The following PCDHGA2 variants were observed in gnomAD, a reference collection of about 807,000 sequenced individuals.
PCDHGA2 encodes protocadherin gamma subfamily A, 2, also known as protocadherin gamma-A2.
A neutral mutation model predicts 59.2 loss-of-function variants in PCDHGA2; 40 were observed. The observed-to-expected ratio is 0.68, with a 90% CI of 0.52 to 0.88. The LOEUF (loss-of-function observed/expected upper bound fraction) is 0.88. PCDHGA2 is among the 40% of genes least tolerant of loss of function. The pLI is 0.00. For missense variants in PCDHGA2, 1,226 were observed against 1,204.0 expected, an observed-to-expected ratio of 1.02 and a Z score of -0.27; for synonymous variants, 560 against 526.0, an observed-to-expected ratio of 1.06 and a Z score of -0.89.
intron 1 of PCDHGA2, chr5:141,361,614 G>T (rs919763957): frequency 6.2e-7 from 1 of 1,613,946 alleles, no homozygotes. Flanking sequence ...CCATCGTAGC[G>T]AGCGACCTGA....
chr5:141,383,913 A>G, intron 1 of PCDHGA2: 1 of 1,613,990 alleles, frequency 6.2e-7, no homozygotes, highest in Non-Finnish European at 8.5e-7. Flanking sequence ...TCACAGTTTT[A>G]GATGTAAATG....
At chr5:141,362,239 C>G in intron 1 of PCDHGA2, 1 of 1,614,060 alleles carries the variant, frequency 6.2e-7, no homozygotes, top group Non-Finnish European at 8.5e-7. Flanking sequence ...GATCTCAGTG[C>G]TCTTCTTCCT....
Position 141,340,062 on chromosome 5 carries a change from C to A in PCDHGA2, c.1091C>A (p.Thr364Asn). The A allele has an allele frequency of 6.2e-7, 1 of 1,614,090 alleles. No homozygotes were observed. The highest frequency in any genetic ancestry group is 8.5e-7 in the Non-Finnish European group (1 of 1,180,000). ...SSVSEDSLPG[T>N]IIGLFNVHDR... ...GTTTCTGAAGACTCTCTTCCAGGAACCATAATTGGGCTTTTTAATGTACAT... is the reference window on the plus strand; with the variant it reads ...GTTTCTGAAGACTCTCTTCCAGGAAACATAATTGGGCTTTTTAATGTACAT... Residue 364 changes from threonine (T) to asparagine (N), a missense_variant, in exon 1 of 4, where the codon ACC becomes AAC. Coordinates refer to ENST00000394576, the MANE Select transcript of PCDHGA2 (RefSeq NM_018915.4).
At chr5:141,394,884 C>T (rs2093119839) in intron 1 of PCDHGA2, 2 of 1,613,902 alleles carry the variant, frequency 1.2e-6, no homozygotes, top group Non-Finnish European at 1.7e-6. Flanking sequence ...GAGCCTTACA[C>T]TCTATCTCGT....
chr5:141,352,062 C>A (rs754428978), intron 1 of PCDHGA2: 3 of 1,605,904 alleles, frequency 1.9e-6, no homozygotes, highest in South Asian at 2.2e-5. Flanking sequence ...GCTTGGCTGT[C>A]CTACCACGTG....
rs185280755 is a variant in PCDHGA2 at position 141,476,824 on chromosome 5, C to T, written c.2425-17983C>T. Reference sequence around the variant, plus strand: ...TGCCTATTCACATCAAGGTGCTGGACGCGAATGACAATGCGCCTGTCTTCA... The same window carrying T: ...TGCCTATTCACATCAAGGTGCTGGATGCGAATGACAATGCGCCTGTCTTCA... On this transcript the variant is annotated intron_variant, in intron 1 of 3. Transcript: ENST00000394576. This position sits in a 1 kb window ranked among gnomAD's most constrained non-coding sequence, Gnocchi z 7.6. 24 of 1,613,588 alleles carry T rather than the reference C, an allele frequency of 1.5e-5. No homozygotes were observed. The East Asian group carries it at 4.5e-4, about 30-fold the overall frequency.
chr5:141,398,026 C>G, intron 1 of PCDHGA2: 2 of 1,446,724 alleles, frequency 1.4e-6, no homozygotes, highest in Admixed American at 2.6e-5. Context: ...TAAACTGGAA[C>G]TGGAACTAAA....
At chr5:141,451,060 C>T (rs1241509553) in intron 1 of PCDHGA2, among the ~76,000 whole-genome samples, 1 of 151,562 alleles carries the variant, frequency 6.6e-6, no homozygotes, top group African/African-American at 2.4e-5. Context: ...GAACTCCTGA[C>T]CTTGTGATCC....
chr5:141,398,360 G>A, intron 1 of PCDHGA2: 1 of 1,413,656 alleles, frequency 7.1e-7, no homozygotes, highest in Non-Finnish European at 9.8e-7. Flanking sequence ...TTCACCGTGA[G>A]CGCAGAGAGC....
At chr5:141,342,156 TC>T (rs1230456443) in intron 1 of PCDHGA2, 1 of 152,292 alleles carries the variant, frequency 6.6e-6, no homozygotes, top group East Asian at 1.9e-4. Flanking sequence ...TGTATTTTAA[TC>T]TTTAAAATAA....
intron 1 of PCDHGA2, among the ~76,000 whole-genome samples, chr5:141,447,688 G>A (rs188511217): frequency 1.4e-4 from 22 of 152,258 alleles, no homozygotes; most frequent in African/African-American, 4.3e-4. Context: ...TATCTTGATA[G>A]AGGGATGGGT....
chr5:141,389,999 G>C (rs777892783), intron 1 of PCDHGA2: 4 of 1,614,018 alleles, frequency 2.5e-6, no homozygotes, highest in Non-Finnish European at 3.4e-6. Context: ...TCGTGGCCAT[G>C]ATTCTGGCCA....
intron 1 of PCDHGA2, among the ~76,000 whole-genome samples, chr5:141,470,854 A>G (rs553276517): frequency 6.6e-6 from 1 of 152,028 alleles, no homozygotes; most frequent in Admixed American, 6.6e-5. Context: ...TGCTCAGATA[A>G]GTTTTTTGTT....
At chr5:141,463,176 C>T (rs989201395) in intron 1 of PCDHGA2, among the ~76,000 whole-genome samples, 2 of 152,100 alleles carry the variant, frequency 1.3e-5, no homozygotes, top group African/African-American at 4.8e-5. Context: ...TATGTATGCT[C>T]AGATTATTAT....
chr5:141,428,007 A>G, intron 1 of PCDHGA2: 1 of 1,602,018 alleles, frequency 6.2e-7, no homozygotes, highest in Non-Finnish European at 8.5e-7. Flanking sequence ...ACTCTTCGAT[A>G]TAGTGCCACG....
Position 141,414,697 on chromosome 5 carries a change from T to A in PCDHGA2, c.2424+73302T>A, listed in dbSNP as rs748722995. The A allele has an allele frequency of 9.3e-6, 15 of 1,614,036 alleles. No homozygotes were observed. Among genetic ancestry groups the A allele is most frequent in the Non-Finnish European group, 1.3e-5 (15 of 1,179,930 alleles). ...CATCCAGGGGGTACCTCTGTCCTCA[T>A]ACATATCCATCAACTCAGACACTGG... is the stretch of plus-strand genomic sequence containing the variant. On this transcript the variant is annotated intron_variant, in intron 1 of 3. Transcript: ENST00000394576.
At chr5:141,360,107 A>G (rs768068572) in intron 1 of PCDHGA2, 11 of 1,553,506 alleles carry the variant, frequency 7.1e-6, no homozygotes, top group Non-Finnish European at 9.6e-6. Context: ...TATTCCTCCT[A>G]TGGGCAAAGG....
At chr5:141,509,411 AGCC>A (rs2099876675) in intron 3 of PCDHGA2, among the ~76,000 whole-genome samples, 2 of 152,098 alleles carry the variant, frequency 1.3e-5, no homozygotes, top group Admixed American at 1.3e-4. Flanking sequence ...TCCAGCAGCG[AGCC>A]CCAATGAGTC....
At chr5:141,372,388 C>T (rs745890626) in intron 1 of PCDHGA2, 1 of 1,614,056 alleles carries the variant, frequency 6.2e-7, no homozygotes, top group Non-Finnish European at 8.5e-7. Flanking sequence ...CTAATCTTCG[C>T]AGATAGCTTG....
Sources: allele counts gnomAD v4.1 joint callset (sites outside exome capture counted in the v4.1 genomes callset), GRCh38; gene constraint gnomAD v4.1.1; non-coding constraint Gnocchi (gnomAD v3.1); transcripts MANE v1.5; gene names NCBI Gene and HGNC (gene_info 2026-07-23, HGNC 2026-07-21).